Variants in CNTNAP2 observed in about 807,000 individuals in gnomAD.
The protein encoded by CNTNAP2 is contactin associated protein 2.
In CNTNAP2, 98 loss-of-function variants were observed where a neutral mutation model predicts 155.2. The observed-to-expected ratio is 0.63, with a 90% CI of 0.54 to 0.75. CNTNAP2 has a LOEUF of 0.75. CNTNAP2 is among the 30% of genes least tolerant of loss of function. CNTNAP2 has a pLI of 0.00. For missense variants in CNTNAP2, 1,727 were observed against 1,688.1 expected, an observed-to-expected ratio of 1.02 and a Z score of -0.40; for synonymous variants, 651 against 631.2, an observed-to-expected ratio of 1.03 and a Z score of -0.47.
intron 1 of CNTNAP2, among the ~76,000 whole-genome samples, chr7:146,235,845 T>C (rs1277325394): frequency 2.6e-5 from 4 of 152,092 alleles, no homozygotes; most frequent in Admixed American, 2.0e-4. Flanking sequence ...TGCCTTCTTA[T>C]AAAAACCAAA....
chr7:147,199,835 GA>G (rs34551567), intron 8 of CNTNAP2, among the ~76,000 whole-genome samples: 53,425 of 149,680 alleles, frequency 0.36, 10,310 homozygotes, highest in East Asian at 0.59. Flanking sequence ...CTTTTCTTTT[GA>G]AAAAAAAAAA....
At chr7:147,860,170 A>T (rs1167448008) in intron 13 of CNTNAP2, among the ~76,000 whole-genome samples, 1 of 152,078 alleles carries the variant, frequency 6.6e-6, no homozygotes, top group Non-Finnish European at 1.5e-5. Flanking sequence ...CATGCCTGTA[A>T]TCTCAACACT....
At chr7:147,633,862 C>T (rs541015986) in intron 12 of CNTNAP2, among the ~76,000 whole-genome samples, 59 of 152,178 alleles carry the variant, frequency 3.9e-4, no homozygotes, top group Non-Finnish European at 6.6e-4. Context: ...TCATAAATTA[C>T]CCAGTCTTAG....
chr7:146,757,290 C>T (rs760438078), intron 1 of CNTNAP2, among the ~76,000 whole-genome samples: 8 of 152,012 alleles, frequency 5.3e-5, no homozygotes, highest in East Asian at 1.9e-4. Flanking sequence ...GATTTATCTA[C>T]GTCACAGTAA....
rs574304970 is a variant in CNTNAP2 at position 146,612,288 on chromosome 7, C to T, written c.98-161983C>T. On this transcript the variant is annotated intron_variant, in intron 1 of 23. Coordinates refer to ENST00000361727, the MANE Select transcript of CNTNAP2 (RefSeq NM_014141.6). ...ACTCACATGGACCTTTTTTCTTGTT[C>T]CATGCAATATGTTAACAGCAAAACT... Among the ~76,000 whole-genome samples, 15 of 151,982 alleles carry T rather than the reference C, an allele frequency of 9.9e-5. 1 individual carries two copies. Among genetic ancestry groups the T allele is most frequent in the Admixed American group, 2.0e-4 (3 of 15,262 alleles).
At chr7:146,508,668 T>G (rs567776194) in intron 1 of CNTNAP2, among the ~76,000 whole-genome samples, 1 of 152,256 alleles carries the variant, frequency 6.6e-6, no homozygotes, top group South Asian at 2.1e-4. Context: ...CACAAAACGC[T>G]CTATACCTTC....
intron 12 of CNTNAP2, among the ~76,000 whole-genome samples, chr7:147,574,840 G>A (rs1380416867): frequency 2.6e-5 from 4 of 152,096 alleles, no homozygotes; most frequent in Non-Finnish European, 5.9e-5. Flanking sequence ...CTCCCAGAGT[G>A]AGAGAGGAGT....
intron 1 of CNTNAP2, among the ~76,000 whole-genome samples, chr7:146,392,739 G>A (rs1184723119): frequency 6.6e-6 from 1 of 152,120 alleles, no homozygotes; most frequent in Non-Finnish European, 1.5e-5. Context: ...AACATGGTTT[G>A]AGGTAACGAC....
At chr7:148,139,039 G>T (rs1805010683) in intron 16 of CNTNAP2, among the ~76,000 whole-genome samples, 1 of 152,046 alleles carries the variant, frequency 6.6e-6, no homozygotes, top group Non-Finnish European at 1.5e-5. Context: ...GGATGTCTTT[G>T]TTTGTGAAGT....
chr7:147,503,004 C>T (rs1487699420), intron 11 of CNTNAP2, among the ~76,000 whole-genome samples: 1 of 152,060 alleles, frequency 6.6e-6, no homozygotes, highest in Non-Finnish European at 1.5e-5. Context: ...GCATAGGATG[C>T]TAAGGGTGTT....
chr7:148,127,088 T>C (rs1316290876), intron 16 of CNTNAP2, among the ~76,000 whole-genome samples: 2 of 152,194 alleles, frequency 1.3e-5, no homozygotes, highest in Non-Finnish European at 2.9e-5. Flanking sequence ...GCAGATTGCT[T>C]GAACTCAGGA....
chr7:148,302,749 A>C (rs2116502237), intron 21 of CNTNAP2, among the ~76,000 whole-genome samples: 2 of 150,492 alleles, frequency 1.3e-5, no homozygotes, highest in East Asian at 2.0e-4. Context: ...AGACCTCCCC[A>C]GCCATGTGGA....
chr7:146,402,097 A>G (rs1252954043), intron 1 of CNTNAP2, among the ~76,000 whole-genome samples: 3 of 152,192 alleles, frequency 2.0e-5, no homozygotes, highest in African/African-American at 4.8e-5. Flanking sequence ...TTCCATAAGT[A>G]TGTTCATATA....
At chr7:147,498,218 G>T (rs1284914829) in intron 11 of CNTNAP2, among the ~76,000 whole-genome samples, 2 of 151,972 alleles carry the variant, frequency 1.3e-5, no homozygotes, top group Non-Finnish European at 2.9e-5. Flanking sequence ...CTGACCATGT[G>T]GCTGATTAGC....
chr7:147,009,087 G>T (rs1220639524), intron 3 of CNTNAP2, among the ~76,000 whole-genome samples: 2 of 151,800 alleles, frequency 1.3e-5, no homozygotes, highest in African/African-American at 4.8e-5. Context: ...GCCTTCCAAA[G>T]ATCTAGATTA....
At chr7:146,256,899 G>A (rs375949831) in intron 1 of CNTNAP2, among the ~76,000 whole-genome samples, 6 of 152,238 alleles carry the variant, frequency 3.9e-5, no homozygotes, top group East Asian at 1.9e-4. Context: ...TCTCTAAGGC[G>A]TTGTGAGATT....
chr7:148,163,200 G>T (rs943256846), intron 17 of CNTNAP2, among the ~76,000 whole-genome samples: 19 of 152,280 alleles, frequency 1.2e-4, no homozygotes, highest in Admixed American at 1.1e-3. Flanking sequence ...AGGCTTAAAA[G>T]CTATCCAGCC....
intron 3 of CNTNAP2, among the ~76,000 whole-genome samples, chr7:147,037,902 C>T (rs1301598517): frequency 2.4e-4 from 36 of 152,094 alleles, no homozygotes; most frequent in Admixed American, 2.4e-3. Context: ...GCTTTGTAAT[C>T]AAGACAATCA....
chr7:147,861,469 A>T (rs954542450), intron 13 of CNTNAP2, among the ~76,000 whole-genome samples: 1 of 152,202 alleles, frequency 6.6e-6, no homozygotes, highest in Non-Finnish European at 1.5e-5. Flanking sequence ...CATCCAACAC[A>T]TCCATTGAGT....
Sources: allele counts gnomAD v4.1 joint callset (sites outside exome capture counted in the v4.1 genomes callset), GRCh38; gene constraint gnomAD v4.1.1; transcripts MANE v1.5; gene names NCBI Gene and HGNC (gene_info 2026-07-23, HGNC 2026-07-21).